TMEM163: variants seen among roughly 807,000 people sequenced by gnomAD.
TMEM163 encodes the protein transmembrane protein 163.
Under a neutral mutation model 29.3 loss-of-function variants are expected in TMEM163, and 17 were observed. The observed-to-expected ratio is 0.58, with a 90% CI of 0.40 to 0.87. TMEM163 has a LOEUF of 0.87. TMEM163 is among the 40% of genes least tolerant of loss of function. TMEM163 has a pLI of 0.00. For missense variants in TMEM163, 303 were observed against 381.5 expected, an observed-to-expected ratio of 0.79 and a Z score of 1.71; for synonymous variants, 157 against 160.6, an observed-to-expected ratio of 0.98 and a Z score of 0.17.
At chr2:134,559,183 G>A (rs1017492238) in intron 2 of TMEM163, among the ~76,000 whole-genome samples, 4 of 151,832 alleles carry the variant, frequency 2.6e-5, no homozygotes, top group African/African-American at 9.7e-5. Flanking sequence ...GTGCTCTGGG[G>A]TACACACCTC....
At chr2:134,550,467 T>A in intron 4 of TMEM163, 103 bp downstream of exon 4, 4 of 1,107,332 alleles carry the variant, frequency 3.6e-6, no homozygotes, top group Non-Finnish European at 5.4e-6. Context: ...CTTCTTCTCA[T>A]CACTGGGACA....
At chr2:134,604,988 T>A (rs1254878825) in intron 2 of TMEM163, among the ~76,000 whole-genome samples, 1 of 152,112 alleles carries the variant, frequency 6.6e-6, no homozygotes, top group Non-Finnish European at 1.5e-5. Flanking sequence ...GAGATCAGTC[T>A]GGCCAACATG....
Position 134,456,786 on chromosome 2 carries a change from C to T in TMEM163, c.810-10G>A, listed in dbSNP as rs781488879. On this transcript the variant is annotated splice_polypyrimidine_tract_variant and intron_variant, in intron 7 of 7. Transcript: ENST00000281924. Reference sequence around the variant, plus strand: ...CATGTCGATGAGGAGTCTGCAAAGACGAAGACAGACAAGGTCACCTCCATG... The same window carrying T: ...CATGTCGATGAGGAGTCTGCAAAGATGAAGACAGACAAGGTCACCTCCATG... 104 of 1,612,812 alleles carry T rather than the reference C, an allele frequency of 6.4e-5. No homozygotes were observed. Among genetic ancestry groups the T allele is most frequent in the Middle Eastern group, 1.6e-4 (1 of 6,078 alleles).
At chr2:134,582,055 G>C (rs998657557) in intron 2 of TMEM163, among the ~76,000 whole-genome samples, 9 of 152,156 alleles carry the variant, frequency 5.9e-5, no homozygotes, top group African/African-American at 2.2e-4. Flanking sequence ...AACCATGAGA[G>C]AGCACAAGGT....
At chr2:134,535,293 A>G (rs1680508784) in intron 4 of TMEM163, among the ~76,000 whole-genome samples, 1 of 152,208 alleles carries the variant, frequency 6.6e-6, no homozygotes, top group Non-Finnish European at 1.5e-5. Context: ...CAGAGCAAGC[A>G]CTTTCTTGGC....
At chr2:134,503,093 G>A in intron 4 of TMEM163, 96 bp from the exon 5 acceptor site, 1 of 1,231,292 alleles carries the variant, frequency 8.1e-7, no homozygotes, top group Non-Finnish European at 1.1e-6. Context: ...ATCTGGGAAT[G>A]AACTCAATTG....
intron 2 of TMEM163, among the ~76,000 whole-genome samples, chr2:134,689,040 AT>A (rs1168472137): frequency 6.6e-6 from 1 of 152,120 alleles, no homozygotes; most frequent in Non-Finnish European, 1.5e-5. Context: ...ATAAATAAAA[AT>A]ATCAGCAAAA....
In TMEM163 at chr2:134,516,676, TAC is replaced by T. The variant is rs1322194661; in HGVS notation, c.459-13681_459-13680del. ...ATACATATATTCATACATATAGTCA[TAC>T]ATATATGCATATATATGCATATATT... On this transcript the variant is annotated intron_variant, in intron 4 of 7. Transcript: ENST00000281924. Among the ~76,000 whole-genome samples, 80 of 141,782 alleles carry T rather than the reference TAC, an allele frequency of 5.6e-4. 1 individual carries two copies. The highest frequency in any genetic ancestry group is 7.6e-3 in the Middle Eastern group (2 of 264). The allele number at this position is 141,782 out of a possible 152,430, so 93.0% of individuals were successfully genotyped here. A position where few individuals can be genotyped will look rare whatever the true frequency, so the allele number is the denominator to read the frequency against.
chr2:134,485,955 C>T (rs1679297017), intron 5 of TMEM163, among the ~76,000 whole-genome samples: 2 of 152,172 alleles, frequency 1.3e-5, no homozygotes, highest in Admixed American at 6.5e-5. Context: ...CTGTGGCCTG[C>T]TCCATGAGAA....
At chr2:134,606,081 G>T (rs1421626896) in intron 2 of TMEM163, among the ~76,000 whole-genome samples, 1 of 152,114 alleles carries the variant, frequency 6.6e-6, no homozygotes, top group Non-Finnish European at 1.5e-5. Context: ...ACTGAAAATG[G>T]GTTAGTTTTG....
chr2:134,637,564 C>T (rs1683131336), intron 2 of TMEM163, among the ~76,000 whole-genome samples: 1 of 152,180 alleles, frequency 6.6e-6, no homozygotes, highest in Admixed American at 6.5e-5. Flanking sequence ...AATTTCACAA[C>T]AATATCCGAT....
At chr2:134,577,242 CT>C (rs1681576177) in intron 2 of TMEM163, among the ~76,000 whole-genome samples, 1 of 152,200 alleles carries the variant, frequency 6.6e-6, no homozygotes, top group African/African-American at 2.4e-5. Context: ...AATTTGATAC[CT>C]TCTGAGAGCC....
chr2:134,713,894 A>G (rs1488993931), intron 1 of TMEM163, among the ~76,000 whole-genome samples: 1 of 152,222 alleles, frequency 6.6e-6, no homozygotes, highest in Non-Finnish European at 1.5e-5. Context: ...CCAGGCCCAA[A>G]TTATATGCCA....
chr2:134,510,174 T>C (rs1263180475), intron 4 of TMEM163, among the ~76,000 whole-genome samples: 1 of 152,170 alleles, frequency 6.6e-6, no homozygotes, highest in Non-Finnish European at 1.5e-5. Flanking sequence ...CATATTTTAA[T>C]GTACCTCAGA....
intron 2 of TMEM163, among the ~76,000 whole-genome samples, chr2:134,569,279 C>T (rs1681369295): frequency 6.6e-6 from 1 of 152,132 alleles, no homozygotes; most frequent in South Asian, 2.1e-4. Context: ...CTGAACACTG[C>T]CATGGTTGGA....
intron 4 of TMEM163, among the ~76,000 whole-genome samples, chr2:134,503,246 C>T (rs974324892): frequency 6.6e-6 from 1 of 152,190 alleles, no homozygotes; most frequent in Non-Finnish European, 1.5e-5. Flanking sequence ...TCACAGCATA[C>T]CATGAATGCT....
chr2:134,595,180 T>A (rs1331310451), intron 2 of TMEM163, among the ~76,000 whole-genome samples: 1 of 152,092 alleles, frequency 6.6e-6, no homozygotes, highest in African/African-American at 2.4e-5. Context: ...TTGTTACATA[T>A]GTATACATGT....
intron 2 of TMEM163, among the ~76,000 whole-genome samples, chr2:134,662,920 T>C (rs1683788343): frequency 6.6e-6 from 1 of 152,218 alleles, no homozygotes. Context: ...GCACCTTGTG[T>C]GATGGTATCC....
intron 2 of TMEM163, among the ~76,000 whole-genome samples, chr2:134,584,317 C>T (rs905423083): frequency 6.6e-5 from 10 of 152,194 alleles, no homozygotes; most frequent in African/African-American, 2.2e-4. Context: ...CAGGGAAGGG[C>T]AGCAGCCTCT....
Sources: gnomAD v4.1 joint callset for allele counts (sites outside exome capture counted in the v4.1 genomes callset) on GRCh38, gnomAD v4.1.1 for gene constraint, MANE v1.5 for transcripts, NCBI Gene and HGNC (gene_info 2026-07-23, HGNC 2026-07-21) for gene names.